The following ETV6 variants were observed in gnomAD, a reference collection of about 807,000 sequenced individuals.
ETV6 encodes the protein transcription factor ETV6.
ETV6 carries 16 observed loss-of-function variants against 51.1 expected under a neutral mutation model. The ratio of observed to expected loss-of-function variants is 0.31; its 90% confidence interval spans 0.21 to 0.48. ETV6 has a LOEUF of 0.48. Ranked by LOEUF, ETV6 falls within the 20% of genes least tolerant of loss-of-function variation. The pLI, the probability that ETV6 is intolerant of heterozygous loss-of-function variation, is 0.99. For synonymous variants in ETV6, 240 were observed against 224.1 expected (o/e 1.07, Z -0.64); for missense variants, 458 against 594.8 (o/e 0.77, Z 2.39).
chr12:11,809,758 T>C (rs1322885045), intron 2 of ETV6, among the ~76,000 whole-genome samples: 1 of 146,560 alleles, frequency 6.8e-6, no homozygotes, highest in Non-Finnish European at 1.5e-5. Flanking sequence ...CTGCCCACCA[T>C]AAAACCTTCA....
intron 1 of ETV6, among the ~76,000 whole-genome samples, chr12:11,739,236 T>C (rs562176767): frequency 6.6e-6 from 1 of 152,274 alleles, no homozygotes; most frequent in African/African-American, 2.4e-5. Context: ...TGAGGGACTC[T>C]GATGACTATT....
chr12:11,779,028 C>G (rs549443558), intron 2 of ETV6, among the ~76,000 whole-genome samples: 19 of 152,314 alleles, frequency 1.2e-4, no homozygotes, highest in African/African-American at 4.3e-4. Context: ...TTTTGTCCTT[C>G]CTATATCTAG....
chr12:11,879,057 C>G (rs1257320899), intron 5 of ETV6, among the ~76,000 whole-genome samples: 1 of 152,084 alleles, frequency 6.6e-6, no homozygotes, highest in Non-Finnish European at 1.5e-5. Context: ...GCCACATGCC[C>G]CCAGTTCAGA....
At chr12:11,872,985 A>C (rs1201683575) in intron 5 of ETV6, among the ~76,000 whole-genome samples, 2 of 152,180 alleles carry the variant, frequency 1.3e-5, no homozygotes, top group Non-Finnish European at 2.9e-5. Flanking sequence ...CTAGGAAGTC[A>C]AGAATATTCA....
chr12:11,716,353 A>C (rs1170827209), intron 1 of ETV6, among the ~76,000 whole-genome samples: 2 of 148,600 alleles, frequency 1.3e-5, no homozygotes, highest in South Asian at 4.2e-4. Flanking sequence ...AAAAAAAAAA[A>C]AAAAAAAGAT....
At chr12:11,786,850 A>G (rs1033324442) in intron 2 of ETV6, among the ~76,000 whole-genome samples, 22 of 152,210 alleles carry the variant, frequency 1.4e-4, no homozygotes, top group South Asian at 2.1e-4. Context: ...GCAGATGCCA[A>G]TCCCTTCTAG....
chr12:11,775,107 T>G (rs1945300884), intron 2 of ETV6, among the ~76,000 whole-genome samples: 1 of 152,214 alleles, frequency 6.6e-6, no homozygotes, highest in African/African-American at 2.4e-5. Context: ...TTTGAACCAG[T>G]GATGAGTTTG....
chr12:11,874,639 T>C (rs770403444), intron 5 of ETV6, among the ~76,000 whole-genome samples: 699 of 5,770 alleles, frequency 0.12, 45 homozygotes, highest in East Asian at 0.71. Flanking sequence ...TATGTGTGTG[T>C]GTATATACAC....
intron 2 of ETV6, among the ~76,000 whole-genome samples, chr12:11,758,013 TG>T (rs1945032177): frequency 6.6e-6 from 1 of 151,514 alleles, no homozygotes; most frequent in South Asian, 2.2e-4. Context: ...TAGGCCCTGA[TG>T]GGCCAGCTCT....
intron 1 of ETV6, among the ~76,000 whole-genome samples, chr12:11,746,796 T>C (rs1236872639): frequency 2.5e-4 from 36 of 142,934 alleles, no homozygotes; most frequent in South Asian, 2.0e-3. Context: ...CTCTCTTTTT[T>C]TTTTTTTTTT....
At chr12:11,660,582 G>C (rs1343069250) in intron 1 of ETV6, among the ~76,000 whole-genome samples, 2 of 124,798 alleles carry the variant, frequency 1.6e-5, no homozygotes, top group South Asian at 3.1e-4. Flanking sequence ...CTGGGCGACA[G>C]AGTGAGACTC....
chr12:11,835,494 C>T (rs993016567), intron 2 of ETV6, among the ~76,000 whole-genome samples: 5 of 152,188 alleles, frequency 3.3e-5, no homozygotes, highest in Non-Finnish European at 7.3e-5. Context: ...GCTTCTGTTC[C>T]ATTTGCAGCT....
chr12:11,657,379 T>A (rs893264472), intron 1 of ETV6, among the ~76,000 whole-genome samples: 1 of 152,240 alleles, frequency 6.6e-6, no homozygotes, highest in Admixed American at 6.5e-5. Flanking sequence ...TAGCTTCCTT[T>A]TGAAGATTCA....
At chr12:11,814,630 C>A (rs1439345189) in intron 2 of ETV6, among the ~76,000 whole-genome samples, 2 of 152,172 alleles carry the variant, frequency 1.3e-5, no homozygotes, top group East Asian at 3.8e-4. Flanking sequence ...GGGCTCAGAT[C>A]GATGGCTCTC....
At chr12:11,769,343 A>G (rs1380235148) in intron 2 of ETV6, among the ~76,000 whole-genome samples, 3 of 152,164 alleles carry the variant, frequency 2.0e-5, no homozygotes, top group African/African-American at 7.2e-5. Context: ...TCCCTGGAGA[A>G]TATGGACTTT....
intron 1 of ETV6, among the ~76,000 whole-genome samples, chr12:11,689,662 G>A (rs961481539): frequency 3.3e-5 from 5 of 152,050 alleles, no homozygotes; most frequent in African/African-American, 9.7e-5. Flanking sequence ...CAGGTTAGGG[G>A]CTTGGTTTGA....
intron 1 of ETV6, among the ~76,000 whole-genome samples, chr12:11,676,888 G>A (rs550892537): frequency 1.3e-5 from 2 of 152,264 alleles, no homozygotes; most frequent in African/African-American, 2.4e-5. Flanking sequence ...ATGCTCTCCC[G>A]AGCATTCTTA....
chr12:11,750,817 T>C (rs1203843606), intron 1 of ETV6: 2 of 343,044 alleles, frequency 5.8e-6, no homozygotes, highest in Non-Finnish European at 1.1e-5. Flanking sequence ...TTTTTTTTTT[T>C]GCTTTTTTCA....
At chr12:11,771,400 T>G (rs981531809) in intron 2 of ETV6, among the ~76,000 whole-genome samples, 2 of 152,206 alleles carry the variant, frequency 1.3e-5, no homozygotes, top group African/African-American at 4.8e-5. Context: ...TAATGATATT[T>G]AAAAGTCAAA....
Sources: allele counts gnomAD v4.1 joint callset (sites outside exome capture counted in the v4.1 genomes callset), GRCh38; gene constraint gnomAD v4.1.1; transcripts MANE v1.5; gene names NCBI Gene and HGNC (gene_info 2026-07-23, HGNC 2026-07-21).